Variants in CDH12 observed in about 807,000 individuals in gnomAD.
CDH12 encodes cadherin 12.
Under a neutral mutation model 74.1 loss-of-function variants are expected in CDH12, and 41 were observed. That is an observed-to-expected ratio of 0.55 (90% CI 0.43 to 0.72). CDH12 has a LOEUF of 0.72. CDH12 is among the 30% of genes least tolerant of loss of function. CDH12 has a pLI of 0.00. For missense variants in CDH12, 945 were observed against 977.2 expected (o/e 0.97, Z 0.44); for synonymous variants, 399 against 355.0 (o/e 1.12, Z -1.39).
intron 3 of CDH12, among the ~76,000 whole-genome samples, chr5:22,308,938 A>AGAGAG (rs1360353985): frequency 4.7e-5 from 1 of 21,074 alleles, no homozygotes. Context: ...AGAGAAAGAG[A>AGAGAG]GAGAGAGAGG....
At chr5:22,152,573 G>A (rs1354547538) in intron 4 of CDH12, among the ~76,000 whole-genome samples, 1 of 152,166 alleles carries the variant, frequency 6.6e-6, no homozygotes, top group Non-Finnish European at 1.5e-5. Context: ...ATTCTGGAAT[G>A]ACTAAATCCA....
chr5:22,461,686 A>G (rs1745531679), intron 2 of CDH12, among the ~76,000 whole-genome samples: 1 of 151,924 alleles, frequency 6.6e-6, no homozygotes, highest in Admixed American at 6.6e-5. Flanking sequence ...GTGAGAGTCC[A>G]TATTTTACTT....
chr5:22,275,735 G>A (rs1420446389), intron 3 of CDH12, among the ~76,000 whole-genome samples: 1 of 152,150 alleles, frequency 6.6e-6, no homozygotes. Flanking sequence ...CATTTTCAAT[G>A]TGTGACTTCC....
chr5:22,247,449 G>A (rs1752986822), intron 3 of CDH12, among the ~76,000 whole-genome samples: 1 of 152,062 alleles, frequency 6.6e-6, no homozygotes, highest in Non-Finnish European at 1.5e-5. Context: ...AACTGAGGTG[G>A]GTGGATCACG....
chr5:22,402,293 C>T (rs140978399), intron 3 of CDH12, among the ~76,000 whole-genome samples: 3 of 152,304 alleles, frequency 2.0e-5, no homozygotes, highest in African/African-American at 7.2e-5. Flanking sequence ...GTAGAGAATG[C>T]TTCTCACTTC....
At chr5:22,776,871 C>T (rs1448150364) in intron 1 of CDH12, among the ~76,000 whole-genome samples, 2 of 152,044 alleles carry the variant, frequency 1.3e-5, no homozygotes, top group Non-Finnish European at 2.9e-5. Context: ...CAAAGACACA[C>T]CACCAATTAA....
intron 1 of CDH12, among the ~76,000 whole-genome samples, chr5:22,694,872 T>A (rs987609333): frequency 1.3e-5 from 2 of 152,066 alleles, no homozygotes; most frequent in Non-Finnish European, 2.9e-5. Context: ...GTGCAGAATG[T>A]GCAGGTTTGT....
At chr5:22,805,099 G>A (rs1039508967) in intron 1 of CDH12, among the ~76,000 whole-genome samples, 3 of 152,010 alleles carry the variant, frequency 2.0e-5, no homozygotes, top group Non-Finnish European at 1.5e-5. Flanking sequence ...TGACACATTT[G>A]AAAATGTGCA....
At chr5:22,093,276 AT>A (rs1346775118) in intron 4 of CDH12, among the ~76,000 whole-genome samples, 2 of 152,166 alleles carry the variant, frequency 1.3e-5, no homozygotes, top group Non-Finnish European at 1.5e-5. Context: ...TGTTTGGACT[AT>A]TTTTAAAACA....
At chr5:22,476,686 A>G (rs1266620504) in intron 2 of CDH12, among the ~76,000 whole-genome samples, 1 of 152,160 alleles carries the variant, frequency 6.6e-6, no homozygotes, top group Non-Finnish European at 1.5e-5. Flanking sequence ...AAGTAATGTT[A>G]ATATATTGAA....
chr5:22,130,718 T>C (rs1746133165), intron 4 of CDH12, among the ~76,000 whole-genome samples: 1 of 151,884 alleles, frequency 6.6e-6, no homozygotes, highest in Non-Finnish European at 1.5e-5. Context: ...TATATGATTT[T>C]TAGAAAATCA....
At chr5:22,750,014 C>T (rs1041633871) in intron 1 of CDH12, among the ~76,000 whole-genome samples, 1 of 152,170 alleles carries the variant, frequency 6.6e-6, no homozygotes, top group African/African-American at 2.4e-5. Flanking sequence ...TAGTCTTGGA[C>T]ATATGGCTCT....
chr5:22,338,902 C>T (rs146709549), intron 3 of CDH12, among the ~76,000 whole-genome samples: 18 of 152,240 alleles, frequency 1.2e-4, no homozygotes, highest in African/African-American at 4.3e-4. Context: ...ATGGGACCTC[C>T]AGGAGCTAAA....
intron 3 of CDH12, among the ~76,000 whole-genome samples, chr5:22,318,528 T>C (rs1411902260): frequency 6.6e-6 from 1 of 152,182 alleles, no homozygotes; most frequent in African/African-American, 2.4e-5. Context: ...TTGCATGGCC[T>C]CAAAAGTATT....
chr5:22,694,797 G>GTA (rs200813234), intron 1 of CDH12, among the ~76,000 whole-genome samples: 548 of 151,414 alleles, frequency 3.6e-3, no homozygotes, highest in South Asian at 6.9e-3. Context: ...ACACATATAT[G>GTA]TATACACACA....
At position 22,243,866 on chromosome 5, in the gene CDH12, C is replaced by T. The variant is rs376640834; in HGVS notation, c.-332-31223G>A. ...ATTCTCAGCTTCCAATATTTAAGTT[C>T]ATACAAGAACGAACACATATTTATC... On this transcript the variant is annotated intron_variant, in intron 3 of 14. Transcript: ENST00000382254. Among the ~76,000 whole-genome samples, 45 of 152,232 alleles carry T rather than the reference C, an allele frequency of 3.0e-4. No individual in the cohort carries two copies. The East Asian group carries it at 5.2e-3, about 18-fold the overall frequency.
intron 3 of CDH12, among the ~76,000 whole-genome samples, chr5:22,295,454 C>A (rs1737578956): frequency 6.6e-6 from 1 of 152,068 alleles, no homozygotes; most frequent in South Asian, 2.1e-4. Flanking sequence ...AAAAAGCCTA[C>A]AGTATATATT....
intron 1 of CDH12, among the ~76,000 whole-genome samples, chr5:22,805,501 C>T (rs184450952): frequency 2.6e-3 from 390 of 152,014 alleles, no homozygotes; most frequent in African/African-American, 9.0e-3. Context: ...TATTGATTTT[C>T]TATCTTAAAC....
At chr5:22,731,497 G>T (rs1387399969) in intron 1 of CDH12, among the ~76,000 whole-genome samples, 1 of 151,810 alleles carries the variant, frequency 6.6e-6, no homozygotes. Context: ...GTGAAAATTA[G>T]TAGATACACA....
Sources: allele counts gnomAD v4.1 joint callset (sites outside exome capture counted in the v4.1 genomes callset), GRCh38; gene constraint gnomAD v4.1.1; transcripts MANE v1.5; gene names NCBI Gene and HGNC (gene_info 2026-07-23, HGNC 2026-07-21).